Variants in TNKS observed in about 807,000 individuals in gnomAD.
TNKS encodes tankyrase, also known as poly [ADP-ribose] polymerase tankyrase-1.
A neutral mutation model predicts 135.8 loss-of-function variants in TNKS; 72 were observed. The observed-to-expected ratio is 0.53, with a 90% CI of 0.44 to 0.64. The LOEUF (loss-of-function observed/expected upper bound fraction) is 0.64. Among genes scored for constraint, TNKS ranks in the 30% least tolerant of loss-of-function variants. TNKS has a pLI of 0.00. For missense variants in TNKS, 1,769 were observed against 1,674.0 expected (o/e 1.06, Z -0.99); for synonymous variants, 849 against 649.3 (o/e 1.31, Z -4.68).
At chr8:9,574,241 AGTT>A (rs1035281730) in intron 1 of TNKS, among the ~76,000 whole-genome samples, 3 of 152,238 alleles carry the variant, frequency 2.0e-5, no homozygotes, top group Admixed American at 6.5e-5. Context: ...TACTTGATAT[AGTT>A]GTTGCAGAAA....
In TNKS at chr8:9,710,052, T is replaced by C. The variant is rs1216637863; in HGVS notation, c.1670+6T>C. Reference sequence around the variant, plus strand: ...GTTAATGAAAAAAATAAAGAGTAAGTATAATTGCAGAAGGAGTTGTTCAGT... The same window carrying C: ...GTTAATGAAAAAAATAAAGAGTAAGCATAATTGCAGAAGGAGTTGTTCAGT... On this transcript the variant is annotated splice_donor_region_variant and intron_variant, in intron 10 of 26. Transcript: ENST00000310430. 3 of 1,612,432 alleles carry C rather than the reference T, an allele frequency of 1.9e-6. No individual in the cohort carries two copies. The highest frequency in any genetic ancestry group is 1.7e-5 in the Admixed American group (1 of 60,020).
At chr8:9,636,517 C>CT (rs1226614313) in intron 3 of TNKS, among the ~76,000 whole-genome samples, 3 of 151,906 alleles carry the variant, frequency 2.0e-5, no homozygotes, top group Admixed American at 6.5e-5. Flanking sequence ...AATTAAATGT[C>CT]TTTTTTTCTA....
intron 1 of TNKS, among the ~76,000 whole-genome samples, chr8:9,565,782 C>T (rs918299996): frequency 7.9e-5 from 12 of 151,670 alleles, no homozygotes; most frequent in East Asian, 1.9e-4. Flanking sequence ...GCGTGAACCC[C>T]GGAGGCAGAG....
chr8:9,723,661 C>G lies in TNKS; in HGVS notation c.1922-2980C>G, dbSNP rs146827104. ...CCAATATGGTAGCCACTAGCTACAT[C>G]TGGCTACATTTAAACTAATTAAAAT... is the stretch of plus-strand genomic sequence containing the variant. On this transcript the variant is annotated intron_variant, in intron 12 of 26. Transcript: ENST00000310430. Among the ~76,000 whole-genome samples the G allele has an allele frequency of 2.0e-3, 312 of 152,326 alleles. 1 individual carries two copies. The highest frequency in any genetic ancestry group is 6.7e-3 in the African/African-American group (280 of 41,572).
chr8:9,583,038 G>C (rs1306201073), intron 2 of TNKS, among the ~76,000 whole-genome samples: 1 of 151,726 alleles, frequency 6.6e-6, no homozygotes. Flanking sequence ...GTGGTGGCGG[G>C]CACCTATTGT....
chr8:9,648,828 A>G (rs914220322), intron 3 of TNKS, among the ~76,000 whole-genome samples: 2 of 152,144 alleles, frequency 1.3e-5, no homozygotes, highest in African/African-American at 4.8e-5. Context: ...CACATACCTT[A>G]AAAAGAATGT....
chr8:9,617,928 C>G (rs1799704752), intron 3 of TNKS, among the ~76,000 whole-genome samples: 2 of 149,872 alleles, frequency 1.3e-5, no homozygotes, highest in Admixed American at 1.3e-4. Flanking sequence ...AAACTGTGTA[C>G]AAGTATTTAT....
At chr8:9,690,710 ATAAAT>A (rs1803226842) in intron 5 of TNKS, among the ~76,000 whole-genome samples, 1 of 152,196 alleles carries the variant, frequency 6.6e-6, no homozygotes, top group South Asian at 2.1e-4. Context: ...AAATAAATAA[ATAAAT>A]AAATAATGTT....
chr8:9,598,761 GTGTGTATATATATATATATATATATATA>G (rs1487884608), intron 2 of TNKS, among the ~76,000 whole-genome samples: 106 of 67,258 alleles, frequency 1.6e-3, no homozygotes, highest in African/African-American at 4.8e-3. Context: ...GTATATGTGT[GTGTGTATATATATATATATATATATATA>G]TATATATATA....
At chr8:9,582,290 G>C (rs757101264) in intron 2 of TNKS, among the ~76,000 whole-genome samples, 2 of 151,376 alleles carry the variant, frequency 1.3e-5, no homozygotes, top group Non-Finnish European at 2.9e-5. Context: ...GGGATAGCTG[G>C]ATAAAAAAAG....
chr8:9,747,265 C>G (rs1376879068), intron 17 of TNKS, among the ~76,000 whole-genome samples: 1 of 141,832 alleles, frequency 7.1e-6, no homozygotes, highest in Non-Finnish European at 1.5e-5. Context: ...TCCTTCCCCC[C>G]CTCAAAAAAA....
intron 5 of TNKS, chr8:9,681,032 A>G: frequency 2.8e-6 from 1 of 360,154 alleles, no homozygotes; most frequent in South Asian, 9.8e-5. Context: ...ACAGCAAGTT[A>G]TTTGTTACAT....
intron 2 of TNKS, among the ~76,000 whole-genome samples, chr8:9,591,422 A>G (rs1207382360): frequency 3.3e-5 from 5 of 152,120 alleles, no homozygotes; most frequent in Non-Finnish European, 7.3e-5. Context: ...ATGTTTTTTC[A>G]CTTCTCTTGG....
rs540525238 is a variant in TNKS, at chr8:9,589,697, A to T, written c.898+9314A>T. ...ACATAGGAATCTACAACTGAGAGTA[A>T]ATTGATATAGCGGGGCTGGGAGCCA... On this transcript the variant is annotated intron_variant, in intron 2 of 26. Transcript: ENST00000310430. 1.7e-4 allele frequency among the ~76,000 whole-genome samples: 26 copies of T among 152,376 alleles called. No individual in the cohort carries two copies. In the South Asian group the frequency reaches 5.4e-3, roughly 32 times the overall value.
At chr8:9,755,458 A>C (rs533600444) in intron 20 of TNKS, among the ~76,000 whole-genome samples, 15 of 152,184 alleles carry the variant, frequency 9.9e-5, no homozygotes, top group Non-Finnish European at 1.9e-4. Context: ...AGGTGATACT[A>C]CCTTTCTTTG....
chr8:9,678,522 A>G (rs896653236), intron 3 of TNKS, among the ~76,000 whole-genome samples: 2 of 152,258 alleles, frequency 1.3e-5, no homozygotes, highest in African/African-American at 4.8e-5. Flanking sequence ...TTATTGGTAT[A>G]CAAAGTTCTT....
chr8:9,605,425 TAAAC>T (rs1799178940), intron 2 of TNKS, among the ~76,000 whole-genome samples: 1 of 152,108 alleles, frequency 6.6e-6, no homozygotes. Flanking sequence ...CTATTATAAA[TAAAC>T]ATATGATCAT....
intron 5 of TNKS, among the ~76,000 whole-genome samples, chr8:9,683,499 A>C (rs150281435): frequency 0.014 from 2,107 of 152,098 alleles, 29 homozygotes; most frequent in South Asian, 0.075. Flanking sequence ...AAGTTTCCTA[A>C]ATTACTGTAT....
At position 9,556,498 on chromosome 8, in the gene TNKS, C is replaced by T. The variant is rs1158291335; in HGVS notation, c.559C>T (p.Leu187=). ...AGTGAGCGGGGCCCTACGGGAACTG[C>T]TGGAGGCCTGTCGCAATGGGGACGT... ...PAVSGALREL[L]EACRNGDVSR... Residue 187 remains leucine, a synonymous_variant, in exon 1 of 27, where the codon CTG becomes TTG. Transcript: ENST00000310430. 4 of 1,614,154 alleles carry T rather than the reference C, an allele frequency of 2.5e-6. No homozygotes were observed. Among genetic ancestry groups the T allele is most frequent in the African/African-American group, 1.3e-5 (1 of 75,048 alleles).
Sources: gnomAD v4.1 joint callset for allele counts (sites outside exome capture counted in the v4.1 genomes callset) on GRCh38, gnomAD v4.1.1 for gene constraint, MANE v1.5 for transcripts, NCBI Gene and HGNC (gene_info 2026-07-23, HGNC 2026-07-21) for gene names.